Variants in MOB1B observed in about 807,000 individuals in gnomAD.
MOB1B encodes MOB kinase activator 1B.
In MOB1B, 19 loss-of-function variants were observed where a neutral mutation model predicts 24.4. The observed-to-expected ratio is 0.78, with a 90% CI of 0.54 to 1.14. The LOEUF (loss-of-function observed/expected upper bound fraction) is 1.14, where lower values mean the gene tolerates loss of function less well. Ranked by LOEUF, MOB1B falls within the 50% of genes most tolerant of loss-of-function variation. MOB1B has a pLI of 0.00. For missense variants in MOB1B, 243 were observed against 259.6 expected (o/e 0.94, Z 0.44); for synonymous variants, 76 against 82.1 (o/e 0.93, Z 0.40).
chr4:70,975,994 G>A, intron 4 of MOB1B: 1 of 273,636 alleles, frequency 3.7e-6, no homozygotes, highest in Non-Finnish European at 5.6e-6. Flanking sequence ...CCACCTCCCG[G>A]GTTCAAGTGA....
chr4:70,913,554 G>A (rs1736082458), intron 1 of MOB1B, among the ~76,000 whole-genome samples: 1 of 152,064 alleles, frequency 6.6e-6, no homozygotes, highest in South Asian at 2.1e-4. Context: ...GCCTCCCGAA[G>A]TGCTGGGATT....
intron 1 of MOB1B, among the ~76,000 whole-genome samples, chr4:70,903,134 G>A (rs545573529): frequency 1.3e-5 from 2 of 152,296 alleles, no homozygotes; most frequent in South Asian, 2.1e-4. Context: ...ACAGACGGGG[G>A]TCCCTGAGAA....
rs564747129 is a variant in MOB1B at position 70,976,325 on chromosome 4, A to G, written c.409+1039A>G. ...AGGGAAGTTCATATGGCTTCTATCC[A>G]GTGTTATTTAGTAATATATTTGTGA... On this transcript the variant is annotated intron_variant, in intron 4 of 5. Transcript: ENST00000309395. The G allele has an allele frequency of 1.5e-3, 1,496 of 985,122 alleles. 1 individual carries two copies. The highest frequency in any genetic ancestry group is 1.7e-3 in the Non-Finnish European group (1,391 of 829,662). The allele number at this position is 985,122 out of a possible 1,614,324, so 61.0% of individuals were successfully genotyped here. A position where few individuals can be genotyped will look rare whatever the true frequency, so the allele number is the denominator to read the frequency against.
At chr4:70,976,510 A>G (rs1055679413) in intron 4 of MOB1B, 8 of 985,160 alleles carry the variant, frequency 8.1e-6, no homozygotes, top group Non-Finnish European at 9.6e-6. Flanking sequence ...TCAAGTAGAA[A>G]TTGTTTACGT....
chr4:70,920,461 G>C (rs1048495486), intron 1 of MOB1B, among the ~76,000 whole-genome samples: 1 of 152,202 alleles, frequency 6.6e-6, no homozygotes, highest in Non-Finnish European at 1.5e-5. Context: ...CTGACCTCAG[G>C]TGATCTGCCT....
chr4:70,925,527 C>T (rs1473851017), intron 1 of MOB1B, among the ~76,000 whole-genome samples: 3 of 152,148 alleles, frequency 2.0e-5, no homozygotes, highest in African/African-American at 4.8e-5. Context: ...AAAGTACTCT[C>T]AGGATTGAGA....
intron 1 of MOB1B, among the ~76,000 whole-genome samples, chr4:70,927,603 A>G (rs1736705837): frequency 6.6e-6 from 1 of 152,136 alleles, no homozygotes. Context: ...CACCTATTCA[A>G]AACAGCAAGA....
chr4:70,969,452 G>T (rs954790044), intron 2 of MOB1B, among the ~76,000 whole-genome samples: 12 of 152,152 alleles, frequency 7.9e-5, no homozygotes, highest in African/African-American at 2.9e-4. Flanking sequence ...GAATGTGTTG[G>T]ATTCTTGCCT....
At chr4:70,977,542 A>C (rs1739055133) in intron 4 of MOB1B, among the ~76,000 whole-genome samples, 1 of 152,196 alleles carries the variant, frequency 6.6e-6, no homozygotes, top group African/African-American at 2.4e-5. Context: ...ATACAATATG[A>C]TGTTATGAGA....
chr4:70,950,752 A>G (rs752575442), intron 1 of MOB1B: 37 of 1,534,456 alleles, frequency 2.4e-5, no homozygotes, highest in Non-Finnish European at 3.2e-5. Flanking sequence ...TATTTATCGA[A>G]TACCTGATCT....
At chr4:70,980,922 G>T (rs1474419986) in intron 5 of MOB1B, among the ~76,000 whole-genome samples, 2 of 152,066 alleles carry the variant, frequency 1.3e-5, no homozygotes, top group African/African-American at 4.8e-5. Flanking sequence ...GGTGGATGGG[G>T]TTGGAAAAGC....
Position 70,902,502 on chromosome 4 carries a change from C to A in MOB1B, c.-35C>A, listed in dbSNP as rs1379379969. 3 of 1,554,486 alleles carry A rather than the reference C, an allele frequency of 1.9e-6. No homozygotes were observed. The highest frequency in any genetic ancestry group is 2.6e-6 in the Non-Finnish European group (3 of 1,149,514). Reference sequence around the variant, plus strand: ...TGGCCCACGCCGCTCCGAGGCCTCGCGACCGCCGAGCCTGCAGCCTGCCCC... The same window carrying A: ...TGGCCCACGCCGCTCCGAGGCCTCGAGACCGCCGAGCCTGCAGCCTGCCCC... On this transcript the variant is annotated 5_prime_UTR_variant, in exon 1 of 6. Transcript: ENST00000309395.
chr4:70,964,400 T>C (rs1356677630), intron 2 of MOB1B, among the ~76,000 whole-genome samples: 1 of 152,218 alleles, frequency 6.6e-6, no homozygotes, highest in Non-Finnish European at 1.5e-5. Flanking sequence ...AATCTGTATA[T>C]GTTTGGAAAA....
chr4:70,963,724 GT>G (rs1228188939), intron 2 of MOB1B, among the ~76,000 whole-genome samples: 3 of 152,308 alleles, frequency 2.0e-5, no homozygotes, highest in Admixed American at 2.0e-4. Context: ...AGAGGCTGAG[GT>G]GGGAAGATCG....
chr4:70,909,074 A>T (rs1444596859), intron 1 of MOB1B, among the ~76,000 whole-genome samples: 1 of 151,588 alleles, frequency 6.6e-6, no homozygotes, highest in Admixed American at 6.6e-5. Context: ...AAAATTAGCA[A>T]TTTAGGAAAA....
intron 5 of MOB1B, among the ~76,000 whole-genome samples, chr4:70,980,122 G>C (rs1739143322): frequency 1.3e-5 from 2 of 152,198 alleles, no homozygotes; most frequent in South Asian, 4.1e-4. Flanking sequence ...CACTTCCCCT[G>C]TTCTCTTAAG....
rs376106913 is a variant in MOB1B, at chr4:70,904,424, A to G, written c.14+1874A>G. The stretch of plus-strand genomic sequence containing the variant: ...TATTCAAAATAGCACTGTAGATGAT[A>G]TCCATGACTACTGCTGATGGGCTTG... On this transcript the variant is annotated intron_variant, in intron 1 of 5. Transcript: ENST00000309395. Among the ~76,000 whole-genome samples the G allele has an allele frequency of 2.0e-5, 3 of 152,236 alleles. No individual in the cohort carries two copies. In the East Asian group the frequency reaches 5.8e-4, roughly 29 times the overall value.
chr4:70,928,887 C>A (rs1045819210), intron 1 of MOB1B, among the ~76,000 whole-genome samples: 2 of 151,940 alleles, frequency 1.3e-5, no homozygotes, highest in Admixed American at 6.6e-5. Context: ...TGCACTCAGC[C>A]TTATTTATTG....
At chr4:70,920,541 A>G (rs1335886026) in intron 1 of MOB1B, among the ~76,000 whole-genome samples, 2 of 152,228 alleles carry the variant, frequency 1.3e-5, no homozygotes, top group Non-Finnish European at 2.9e-5. Context: ...TATTACAGCA[A>G]TTAATTTAAA....
Sources: allele counts gnomAD v4.1 joint callset (sites outside exome capture counted in the v4.1 genomes callset), GRCh38; gene constraint gnomAD v4.1.1; transcripts MANE v1.5; gene names NCBI Gene and HGNC (gene_info 2026-07-23, HGNC 2026-07-21).